PLPP4: variants seen among roughly 807,000 people sequenced by gnomAD.
PLPP4 encodes phospholipid phosphatase 4, also known as diacylglycerol pyrophosphate like 2.
Under a neutral mutation model 32.2 loss-of-function variants are expected in PLPP4, and 20 were observed. The ratio of observed to expected loss-of-function variants is 0.62; its 90% CI spans 0.44 to 0.90. PLPP4 has a LOEUF of 0.90. PLPP4 is among the 40% of genes least tolerant of loss of function. The pLI is 0.00. For synonymous variants in PLPP4, 127 were observed against 133.0 expected (o/e 0.95, Z 0.31); for missense variants, 257 against 353.1 (o/e 0.73, Z 2.18).
At chr10:120,559,262 C>T (rs1848307122) in intron 5 of PLPP4, among the ~76,000 whole-genome samples, 1 of 151,278 alleles carries the variant, frequency 6.6e-6, no homozygotes, top group Admixed American at 6.6e-5. Flanking sequence ...GTTGGTCATA[C>T]TTGTGGCAAA....
At position 120,469,213 on chromosome 10, in the gene PLPP4, C is replaced by A. The variant is rs1848408660; in HGVS notation, c.56+11852C>A. Reference sequence around the variant, plus strand: ...AGGAAAAGCACTATACAAAAATATACCTCGGAACTGCAACTTTTTTTTTTT... The same window carrying A: ...AGGAAAAGCACTATACAAAAATATAACTCGGAACTGCAACTTTTTTTTTTT... On this transcript the variant is annotated intron_variant, in intron 1 of 6. Transcript: ENST00000398250. Among the ~76,000 whole-genome samples, 2 of 50,264 alleles carry A rather than the reference C, an allele frequency of 4.0e-5. 1 individual carries two copies. The highest frequency in any genetic ancestry group is 1.2e-4 in the Non-Finnish European group (2 of 17,026). The allele number at this position is 50,264 out of a possible 152,430, so 33.0% of individuals were successfully genotyped here. A position where few individuals can be genotyped will look rare whatever the true frequency, so the allele number is the denominator to read the frequency against.
chr10:120,525,812 G>A (rs1846362679), intron 5 of PLPP4, among the ~76,000 whole-genome samples: 1 of 152,102 alleles, frequency 6.6e-6, no homozygotes, highest in Admixed American at 6.6e-5. Context: ...CCTTTCCTTT[G>A]CTTTGTTTTT....
intron 5 of PLPP4, among the ~76,000 whole-genome samples, chr10:120,541,806 G>A (rs1405786215): frequency 6.7e-6 from 1 of 148,754 alleles, no homozygotes; most frequent in South Asian, 2.1e-4. Flanking sequence ...ATGGAGTCTC[G>A]CACTGTTGCT....
At chr10:120,504,523 C>T (rs945987742) in intron 2 of PLPP4, among the ~76,000 whole-genome samples, 8 of 152,184 alleles carry the variant, frequency 5.3e-5, no homozygotes. Context: ...CCTGAGTAAG[C>T]CAAAGCAACT....
chr10:120,544,483 T>C (rs1471725078), intron 5 of PLPP4, among the ~76,000 whole-genome samples: 8 of 152,090 alleles, frequency 5.3e-5, no homozygotes, highest in African/African-American at 9.7e-5. Flanking sequence ...CACAGAGCCC[T>C]GGTCAAGGCT....
intron 4 of PLPP4, 66 bp from the exon 5 acceptor site, chr10:120,520,905 G>T: frequency 6.3e-7 from 1 of 1,591,906 alleles, no homozygotes; most frequent in Non-Finnish European, 8.6e-7. Context: ...GAGTTGGGGG[G>T]GTCAGCTTGG....
At chr10:120,551,677 A>G (rs1207448921) in intron 5 of PLPP4, among the ~76,000 whole-genome samples, 1 of 152,172 alleles carries the variant, frequency 6.6e-6, no homozygotes, top group Non-Finnish European at 1.5e-5. Context: ...AGTTGTCCTA[A>G]GTGGGGAGGT....
At chr10:120,502,884 C>T (rs542788270) in intron 1 of PLPP4, among the ~76,000 whole-genome samples, 37 of 152,292 alleles carry the variant, frequency 2.4e-4, no homozygotes, top group African/African-American at 8.4e-4. Flanking sequence ...TCCTCCTCTC[C>T]CGCTCCCCTG....
At chr10:120,532,955 T>C (rs1036542312) in intron 5 of PLPP4, among the ~76,000 whole-genome samples, 1 of 152,184 alleles carries the variant, frequency 6.6e-6, no homozygotes, top group African/African-American at 2.4e-5. Context: ...ATACAAGTTT[T>C]TGTGTGGATA....
intron 5 of PLPP4, among the ~76,000 whole-genome samples, chr10:120,567,538 C>A (rs1330060943): frequency 1.3e-5 from 2 of 152,182 alleles, no homozygotes; most frequent in Non-Finnish European, 2.9e-5. Flanking sequence ...TGTTTCAATG[C>A]CATCTTGGAT....
rs1849910554 is a variant in PLPP4 at position 120,589,340 on chromosome 10, A to G, written c.654A>G (p.Ala218=). The change falls in exon 7 of 7, where the codon GCA becomes GCG. Residue 218 remains alanine, a synonymous_variant. Transcript: ENST00000398250. ...GTGGAGTCATCGGCCTCATTTTTGCATACATTTGCTACAGACAGCACTATC... is the reference window on the plus strand; with the variant it reads ...GTGGAGTCATCGGCCTCATTTTTGCGTACATTTGCTACAGACAGCACTATC... ...FVGGVIGLIF[A]YICYRQHYPP... is the part of the protein sequence containing the mutation. 3.7e-6 allele frequency: 6 copies of G among 1,614,074 alleles called. No individual in the cohort carries two copies. Among genetic ancestry groups the G allele is most frequent in the African/African-American group, 1.3e-5 (1 of 74,990 alleles).
intron 1 of PLPP4, among the ~76,000 whole-genome samples, chr10:120,458,129 T>C (rs1847877729): frequency 6.6e-6 from 1 of 152,148 alleles, no homozygotes; most frequent in South Asian, 2.1e-4. Context: ...GACCCACCGC[T>C]CATTGACTTC....
chr10:120,577,621 G>A (rs555216523), intron 6 of PLPP4, among the ~76,000 whole-genome samples: 24 of 152,298 alleles, frequency 1.6e-4, no homozygotes, highest in African/African-American at 5.8e-4. Flanking sequence ...CAAAGCAAGA[G>A]AATTTATGTT....
chr10:120,551,285 A>G lies in PLPP4; in HGVS notation c.446-23846A>G, dbSNP rs377074245. ...AATTCTCAAATGTTGCTGGTGATGT[A>G]TAAATTGTTACTGCCACTTTGTGAA... On this transcript the variant is annotated intron_variant, in intron 5 of 6. Coordinates refer to ENST00000398250, the MANE Select transcript of PLPP4 (RefSeq NM_001030059.3). Among the ~76,000 whole-genome samples, 110 of 152,340 alleles carry G rather than the reference A, an allele frequency of 7.2e-4. 4 individuals are homozygous for G. The South Asian group carries it at 0.021, about 29-fold the overall frequency.
intron 5 of PLPP4, among the ~76,000 whole-genome samples, chr10:120,551,899 C>A (rs1054571958): frequency 2.6e-5 from 4 of 152,132 alleles, no homozygotes; most frequent in African/African-American, 9.7e-5. Flanking sequence ...AGTCTCCTCT[C>A]CTGTCATCAA....
At chr10:120,536,221 A>T (rs189642958) in intron 5 of PLPP4, among the ~76,000 whole-genome samples, 112 of 152,248 alleles carry the variant, frequency 7.4e-4, no homozygotes, top group Middle Eastern at 3.4e-3. Context: ...AAAAGACAGA[A>T]GACCCCAGAT....
chr10:120,546,688 G>C lies in PLPP4; in HGVS notation c.445+25593G>C, dbSNP rs369201427. 9.2e-5 allele frequency among the ~76,000 whole-genome samples: 14 copies of C among 152,214 alleles called. No individual in the cohort carries two copies. The East Asian group carries it at 2.5e-3, about 27-fold the overall frequency. ...CTCTTCCCTATAGCCTACCCTGCCT[G>C]GCACAGTAGATGTTGAGAAAATGCA... On this transcript the variant is annotated intron_variant, in intron 5 of 6. Coordinates refer to ENST00000398250, the MANE Select transcript of PLPP4 (RefSeq NM_001030059.3).
intron 5 of PLPP4, among the ~76,000 whole-genome samples, chr10:120,538,030 C>T (rs1327042778): frequency 1.7e-5 from 1 of 58,678 alleles, no homozygotes; most frequent in Admixed American, 2.1e-4. Context: ...CTCTCTCTCT[C>T]TCTCTCTCTC....
At chr10:120,461,351 G>A (rs1170931684) in intron 1 of PLPP4, among the ~76,000 whole-genome samples, 1 of 152,228 alleles carries the variant, frequency 6.6e-6, no homozygotes, top group African/African-American at 2.4e-5. Flanking sequence ...CAAGATTGCA[G>A]AAAGGACCCT....
Sources: allele counts gnomAD v4.1 joint callset (sites outside exome capture counted in the v4.1 genomes callset), GRCh38; gene constraint gnomAD v4.1.1; transcripts MANE v1.5; gene names NCBI Gene and HGNC (gene_info 2026-07-23, HGNC 2026-07-21).